COL11A1: variants seen among roughly 807,000 people sequenced by gnomAD.
The protein encoded by COL11A1 is collagen alpha-1(XI) chain.
In COL11A1, 74 loss-of-function variants were observed where a neutral mutation model predicts 265.2. The ratio of observed to expected loss-of-function variants is 0.28; its 90% CI spans 0.23 to 0.34. The LOEUF is 0.34. Among genes scored for constraint, COL11A1 ranks in the 10% least tolerant of loss-of-function variants. COL11A1 has a pLI of 1.00. For missense variants in COL11A1, 2,165 were observed against 2,263.6 expected (o/e 0.96, Z 0.88); for synonymous variants, 816 against 727.6 (o/e 1.12, Z -1.96).
Position 102,962,783 on chromosome 1 carries a change from C to T in COL11A1, c.2917-23G>A, listed in dbSNP as rs1181823098. 4.4e-6 allele frequency: 7 copies of T among 1,594,064 alleles called. No individual in the cohort carries two copies. In the South Asian group the frequency reaches 5.5e-5, roughly 13 times the overall value. ...TCCCTAAATTAGATAAGCAAAATCACTTTAGATTGCTCTTTTATTTTTGGC... is the reference window on the plus strand; with the variant it reads ...TCCCTAAATTAGATAAGCAAAATCATTTTAGATTGCTCTTTTATTTTTGGC... On this transcript the variant is annotated intron_variant, in intron 38 of 66. Coordinates refer to ENST00000370096, the MANE Select transcript of COL11A1 (RefSeq NM_001854.4).
chr1:103,103,401 C>A (rs1013134772), intron 1 of COL11A1, among the ~76,000 whole-genome samples: 4 of 151,870 alleles, frequency 2.6e-5, no homozygotes, highest in Admixed American at 2.6e-4. Flanking sequence ...AGAGAGCATA[C>A]AAAACTATGT....
intron 20 of COL11A1, among the ~76,000 whole-genome samples, chr1:103,003,805 CT>C (rs762407212): frequency 3.3e-5 from 5 of 152,146 alleles, no homozygotes; most frequent in African/African-American, 4.8e-5. Context: ...TCCTTCTCTT[CT>C]TTTTCCCCCT....
chr1:102,879,791 A>T lies in COL11A1; in HGVS notation c.5166T>A (p.Asp1722Glu), dbSNP rs2101007215. 1.9e-6 allele frequency: 3 copies of T among 1,614,020 alleles called. No homozygotes were observed. Among genetic ancestry groups the T allele is most frequent in the Non-Finnish European group, 8.5e-7 (1 of 1,179,908 alleles). Residue 1722 changes from aspartate to glutamate, a missense_variant, in exon 66 of 67, where the codon GAT (aspartate) becomes GAA (glutamate). Transcript: ENST00000370096. ...YHCHQSAAWY[D>E]VSSGSYDKAL... is the part of the protein sequence containing the mutation. ...CTTTGTCATAACTTCCTGATGACAC[A>T]TCATACCAGGCTGCTGACTGATGAC...
chr1:102,917,564 T>C (rs1223568233), intron 49 of COL11A1, among the ~76,000 whole-genome samples: 1 of 151,888 alleles, frequency 6.6e-6, no homozygotes. Context: ...ACCACATTAA[T>C]TCATGGTAAC....
At chr1:103,078,073 G>T (rs1035792071) in intron 3 of COL11A1, among the ~76,000 whole-genome samples, 6 of 151,976 alleles carry the variant, frequency 3.9e-5, no homozygotes, top group African/African-American at 1.2e-4. Context: ...TCATTCTTCT[G>T]CTCAAAAAGC....
chr1:103,006,142 A>G, intron 16 of COL11A1, 21 bp from the exon 17 acceptor site: 1 of 1,604,394 alleles, frequency 6.2e-7, no homozygotes, highest in Non-Finnish European at 8.5e-7. Context: ...CAACAGCATG[A>G]TTAAGCGAAG....
chr1:103,085,726 T>C (rs1188287594), intron 1 of COL11A1, among the ~76,000 whole-genome samples: 2 of 152,212 alleles, frequency 1.3e-5, no homozygotes, highest in Admixed American at 1.3e-4. Context: ...TGAGAACATT[T>C]TTTTGCACTA....
intron 46 of COL11A1, among the ~76,000 whole-genome samples, chr1:102,924,338 T>TTTCATCTGTCTATGTCTTCA (rs1656336893): frequency 6.6e-6 from 1 of 152,234 alleles, no homozygotes; most frequent in African/African-American, 2.4e-5. Flanking sequence ...TGCACTCAAA[T>TTTCATCTGTCTATGTCTTCA]TTCATCTGTC....
Position 103,048,905 on chromosome 1 carries a change from G to A in COL11A1, c.652-17661C>T, listed in dbSNP as rs144334334. Among the ~76,000 whole-genome samples the A allele has an allele frequency of 7.0e-3, 1,059 of 152,190 alleles. 14 individuals carry two copies. Among genetic ancestry groups the A allele is most frequent in the African/African-American group, 0.024 (985 of 41,522 alleles). Reference sequence around the variant, plus strand: ...TTGTTCAGTTTCCATGTAGTTGAGCGGTTTTGAGTGAGTTTCTTAATCCTG... The same window carrying A: ...TTGTTCAGTTTCCATGTAGTTGAGCAGTTTTGAGTGAGTTTCTTAATCCTG... On this transcript the variant is annotated intron_variant, in intron 4 of 66. Transcript: ENST00000370096.
At chr1:103,023,435 G>C (rs1667263738) in intron 7 of COL11A1, among the ~76,000 whole-genome samples, 1 of 151,022 alleles carries the variant, frequency 6.6e-6, no homozygotes, top group Non-Finnish European at 1.5e-5. Context: ...TTGGTTCACA[G>C]CAACCTCCAC....
At chr1:103,014,387 AGTTTAACACAGTATTC>A in intron 13 of COL11A1, 108 bp downstream of exon 13, 1 of 821,270 alleles carries the variant, frequency 1.2e-6, no homozygotes, top group South Asian at 1.5e-5. Context: ...TTTCCAAGTA[AGTTTAACACAGTATTC>A]GGAAGTAAAT....
At chr1:103,028,450 T>A (rs1210671791) in intron 5 of COL11A1, among the ~76,000 whole-genome samples, 1 of 152,200 alleles carries the variant, frequency 6.6e-6, no homozygotes, top group East Asian at 1.9e-4. Context: ...GCAATATATA[T>A]ACATTGCTAC....
At chr1:103,030,965 C>A in intron 5 of COL11A1, 151 bp downstream of exon 5, 1 of 970,142 alleles carries the variant, frequency 1.0e-6, no homozygotes, top group Non-Finnish European at 1.5e-6. Flanking sequence ...CAAATATATT[C>A]AAGTCACTTT....
rs116816376 is a variant in COL11A1, at chr1:102,936,971, C to T, written c.3439-1858G>A. On this transcript the variant is annotated intron_variant, in intron 44 of 66. Coordinates refer to ENST00000370096, the MANE Select transcript of COL11A1 (RefSeq NM_001854.4). ...CATGCTTTCAACCAAAAAAACATGT[C>T]ACCACAGGCTGAACTAGATATGAGA... Among the ~76,000 whole-genome samples, 962 of 152,170 alleles carry T rather than the reference C, an allele frequency of 6.3e-3. 7 individuals are homozygous for T. Among genetic ancestry groups the T allele is most frequent in the Middle Eastern group, 0.017 (5 of 294 alleles).
chr1:102,896,218 A>G (rs1006296924), intron 57 of COL11A1, among the ~76,000 whole-genome samples: 9 of 152,072 alleles, frequency 5.9e-5, no homozygotes, highest in Non-Finnish European at 7.4e-5. Context: ...AAGCCAAAAA[A>G]AAAAAAAAGG....
chr1:103,039,151 G>T (rs1668614600), intron 4 of COL11A1, among the ~76,000 whole-genome samples: 2 of 152,098 alleles, frequency 1.3e-5, no homozygotes, highest in African/African-American at 4.8e-5. Context: ...ATTTATTTTT[G>T]AACTGTATCT....
At chr1:103,103,244 T>C (rs901377211) in intron 1 of COL11A1, among the ~76,000 whole-genome samples, 1 of 152,066 alleles carries the variant, frequency 6.6e-6, no homozygotes, top group African/African-American at 2.4e-5. Flanking sequence ...AGTCATACTA[T>C]ATGTATACAT....
intron 4 of COL11A1, among the ~76,000 whole-genome samples, chr1:103,057,085 C>A (rs1670308704): frequency 2.6e-5 from 4 of 152,098 alleles, no homozygotes; most frequent in Admixed American, 1.3e-4. Flanking sequence ...TTCTCTGTAG[C>A]ATGTGATGCT....
intron 20 of COL11A1, 33 bp downstream of exon 20, chr1:103,004,411 A>C (rs750107973): frequency 6.4e-7 from 1 of 1,554,190 alleles, no homozygotes; most frequent in Admixed American, 1.7e-5. Context: ...AAAACTAGAA[A>C]TATTACTTAA....
Sources: gnomAD v4.1 joint callset for allele counts (sites outside exome capture counted in the v4.1 genomes callset) on GRCh38, gnomAD v4.1.1 for gene constraint, MANE v1.5 for transcripts, NCBI Gene and HGNC (gene_info 2026-07-23, HGNC 2026-07-21) for gene names.